Variants in NTM observed in about 807,000 individuals in gnomAD.
NTM encodes the protein IgLON family member 2.
Under a neutral mutation model 42.1 loss-of-function variants are expected in NTM, and 13 were observed. That is an observed-to-expected ratio of 0.31 (90% CI 0.20 to 0.49). NTM has a LOEUF of 0.49. Ranked by LOEUF, NTM falls within the 20% of genes least tolerant of loss-of-function variation. NTM has a pLI of 0.99. For synonymous variants in NTM, 187 were observed against 179.2 expected, an observed-to-expected ratio of 1.04 and a Z score of -0.35; for missense variants, 373 against 452.8, an observed-to-expected ratio of 0.82 and a Z score of 1.60.
intron 8 of NTM, 115 bp downstream of exon 8, chr11:132,330,300 G>T: frequency 8.4e-7 from 1 of 1,193,222 alleles, no homozygotes; most frequent in Non-Finnish European, 1.2e-6. Flanking sequence ...AGCGCAGAGG[G>T]AACCCTCCCC....
chr11:132,004,960 C>T (rs2070417901), intron 2 of NTM, among the ~76,000 whole-genome samples: 1 of 152,134 alleles, frequency 6.6e-6, no homozygotes, highest in African/African-American at 2.4e-5. Context: ...TACTTCTTTA[C>T]CTTACCACGC....
At chr11:132,106,728 G>A (rs563154895) in intron 2 of NTM, among the ~76,000 whole-genome samples, 11 of 152,290 alleles carry the variant, frequency 7.2e-5, no homozygotes, top group Admixed American at 2.0e-4. Flanking sequence ...TCCAGGGCTC[G>A]GGTGATCGTG....
At chr11:131,660,525 G>T (rs560199078) in intron 1 of NTM, 3 of 457,600 alleles carry the variant, frequency 6.6e-6, no homozygotes, top group Non-Finnish European at 1.3e-5. Flanking sequence ...CACTGACCCT[G>T]GGTCCCATCT....
At position 132,307,675 on chromosome 11, in the gene NTM, C is replaced by T. The variant is rs199794706; in HGVS notation, c.527-14C>T. The T allele has an allele frequency of 8.2e-5, 132 of 1,613,696 alleles. No homozygotes were observed. The highest frequency in any genetic ancestry group is 3.3e-4 in the Middle Eastern group (2 of 6,080). On this transcript the variant is annotated splice_polypyrimidine_tract_variant and intron_variant, in intron 4 of 8. Transcript: ENST00000683400. ...TTCCTTGTATTTCACCACACGTTAC[C>T]GGTTTTCCCGCAGCGGTTGGCTTTG...
intron 1 of NTM, among the ~76,000 whole-genome samples, chr11:131,706,054 T>C (rs1424776814): frequency 6.6e-6 from 1 of 152,044 alleles, no homozygotes; most frequent in Non-Finnish European, 1.5e-5. Context: ...GAACAAATTA[T>C]AAAAGAAGAT....
At chr11:131,544,625 T>C (rs73576203) in intron 1 of NTM, among the ~76,000 whole-genome samples, 2,661 of 152,318 alleles carry the variant, frequency 0.017, 90 homozygotes, top group African/African-American at 0.059. Flanking sequence ...CATCTTGGAA[T>C]GTTTTCTTCT....
chr11:131,721,189 C>G (rs1219187974), intron 1 of NTM, among the ~76,000 whole-genome samples: 1 of 151,852 alleles, frequency 6.6e-6, no homozygotes, highest in Admixed American at 6.6e-5. Context: ...AGTAACTCAG[C>G]TAATTAGTAG....
intron 4 of NTM, among the ~76,000 whole-genome samples, chr11:132,232,287 T>C (rs1270796031): frequency 2.0e-5 from 3 of 151,244 alleles, no homozygotes; most frequent in South Asian, 4.2e-4. Context: ...ATATACCACG[T>C]TGGCAAACAT....
At chr11:131,808,215 A>C (rs1565577521) in intron 1 of NTM, among the ~76,000 whole-genome samples, 1 of 152,200 alleles carries the variant, frequency 6.6e-6, no homozygotes. Context: ...ATGGCTTAAG[A>C]GGAGGAAGGC....
chr11:131,512,480 G>A (rs985000416), intron 1 of NTM, among the ~76,000 whole-genome samples: 1 of 152,082 alleles, frequency 6.6e-6, no homozygotes, highest in Non-Finnish European at 1.5e-5. Flanking sequence ...CCCAGAGGCC[G>A]ACTCCCACAG....
intron 4 of NTM, among the ~76,000 whole-genome samples, chr11:132,216,149 C>T (rs2083815205): frequency 6.6e-6 from 1 of 152,246 alleles, no homozygotes; most frequent in South Asian, 2.1e-4. Context: ...AACGTTCATG[C>T]TGTCTGGTTC....
chr11:132,332,259 G>A (rs1370144980), intron 8 of NTM: 2 of 152,536 alleles, frequency 1.3e-5, no homozygotes, highest in Non-Finnish European at 2.9e-5. Context: ...TGTCCAACTT[G>A]GTCCAGGTCT....
chr11:132,065,882 G>C (rs1367990695), intron 2 of NTM, among the ~76,000 whole-genome samples: 1 of 152,194 alleles, frequency 6.6e-6, no homozygotes. Flanking sequence ...ACGTGGACTT[G>C]CTTCATTTGA....
Position 132,258,956 on chromosome 11 carries a change from C to A in NTM, c.526+46809C>A, listed in dbSNP as rs1358510872. Among the ~76,000 whole-genome samples the A allele has an allele frequency of 2.6e-5, 4 of 152,160 alleles. No individual in the cohort carries two copies. The East Asian group carries it at 7.7e-4, about 29-fold the overall frequency. On this transcript the variant is annotated intron_variant, in intron 4 of 8. Coordinates refer to ENST00000683400, the MANE Select transcript of NTM (RefSeq NM_001352005.2). ...CAATAGTTCTGTTTGGAAGCATCTT[C>A]TGTGTTTAATTCCATAAGTTTCCTA... is the stretch of plus-strand genomic sequence containing the variant.
At chr11:131,562,813 C>G (rs1167228955) in intron 1 of NTM, among the ~76,000 whole-genome samples, 1 of 152,164 alleles carries the variant, frequency 6.6e-6, no homozygotes, top group Non-Finnish European at 1.5e-5. Context: ...CAAATTTTAG[C>G]AGAGCTCTAC....
chr11:131,872,741 AGATTTT>A (rs2047915482), intron 1 of NTM, among the ~76,000 whole-genome samples: 1 of 152,216 alleles, frequency 6.6e-6, no homozygotes, highest in Admixed American at 6.5e-5. Flanking sequence ...GGTACCATTA[AGATTTT>A]GTTAAAGAAT....
intron 7 of NTM, among the ~76,000 whole-genome samples, chr11:132,327,338 C>G (rs1725961437): frequency 6.6e-6 from 1 of 152,174 alleles, no homozygotes; most frequent in South Asian, 2.1e-4. Flanking sequence ...CTGTAAACCT[C>G]AAAGTGACCA....
At chr11:132,185,135 A>C (rs531211101) in intron 3 of NTM, among the ~76,000 whole-genome samples, 1 of 152,266 alleles carries the variant, frequency 6.6e-6, no homozygotes, top group Non-Finnish European at 1.5e-5. Context: ...CAAAACAAAA[A>C]ATCTCACTGC....
intron 4 of NTM, among the ~76,000 whole-genome samples, chr11:132,244,647 A>C (rs1397572424): frequency 1.3e-5 from 2 of 152,198 alleles, no homozygotes; most frequent in African/African-American, 4.8e-5. Context: ...TCTAATAGGG[A>C]CACACATGTC....
Sources: gnomAD v4.1 joint callset for allele counts (sites outside exome capture counted in the v4.1 genomes callset) on GRCh38, gnomAD v4.1.1 for gene constraint, MANE v1.5 for transcripts, NCBI Gene and HGNC (gene_info 2026-07-23, HGNC 2026-07-21) for gene names.